Variants in ZNF366 observed in about 807,000 individuals in gnomAD.
ZNF366 encodes the protein zinc finger protein 366.
Under a neutral mutation model 47.2 loss-of-function variants are expected in ZNF366, and 20 were observed. That is an observed-to-expected ratio of 0.42 (90% CI 0.30 to 0.62). The LOEUF is 0.62. ZNF366 is among the 20% of genes least tolerant of loss of function. ZNF366 has a pLI of 0.16. For synonymous variants in ZNF366, 421 were observed against 395.1 expected (o/e 1.07, Z -0.78); for missense variants, 987 against 976.3 (o/e 1.01, Z -0.15).
In ZNF366 at chr5:72,444,098, G is replaced by A; in HGVS notation, c.1893C>T (p.Tyr631=). ...GGCTCTGGGGGGCCAGGCCAGGGCT[G>A]TAGGGCTCCACCTCGTAGCAGTTAT... The part of the protein sequence containing the change: ...EEDNCYEVEP[Y]SPGLAPQSQQ... Residue 631 remains tyrosine, a synonymous_variant, in exon 5 of 5, where the codon TAC becomes TAT. Transcript: ENST00000318442. The A allele has an allele frequency of 6.2e-7, 1 of 1,614,116 alleles. No individual in the cohort carries two copies. The highest frequency in any genetic ancestry group is 8.5e-7 in the Non-Finnish European group (1 of 1,180,030).
intron 1 of ZNF366, among the ~76,000 whole-genome samples, chr5:72,486,938 T>A (rs552104482): frequency 2.2e-4 from 33 of 152,140 alleles, no homozygotes; most frequent in African/African-American, 7.7e-4. Context: ...CCACCACGCC[T>A]GGCTGCTTTT....
In ZNF366 at chr5:72,447,257, C is replaced by T. The variant is rs754180088; in HGVS notation, c.1685G>A (p.Gly562Asp). The T allele has an allele frequency of 3.1e-6, 5 of 1,614,140 alleles. No homozygotes were observed. The highest frequency in any genetic ancestry group is 2.2e-5 in the East Asian group (1 of 44,892). The change falls in exon 4 of 5, where the codon GGC becomes GAC. Residue 562 changes from glycine to aspartate, a missense_variant. Physicochemically the swap from Gly to Asp is moderately conservative, Grantham distance 94. Coordinates refer to ENST00000318442, the MANE Select transcript of ZNF366 (RefSeq NM_152625.3). ...MKVKHGVMERGLHSQGLGRGR... is the reference protein window; with the variant it reads ...MKVKHGVMERDLHSQGLGRGR... ...AGAGTGATTACCTTGGGAATGAAGG[C>T]CCCGCTCCATGACTCCATGCTTGAC...
chr5:72,506,371 A>G (rs186446082), intron 1 of ZNF366, among the ~76,000 whole-genome samples: 2 of 152,266 alleles, frequency 1.3e-5, no homozygotes, highest in East Asian at 3.9e-4. Context: ...TTTATGACTA[A>G]TCTAATTGAA....
intron 1 of ZNF366, among the ~76,000 whole-genome samples, chr5:72,466,650 GAAGA>G (rs1743435128): frequency 6.6e-6 from 1 of 152,224 alleles, no homozygotes; most frequent in African/African-American, 2.4e-5. Flanking sequence ...TGGGATGAGA[GAAGA>G]AATGGGTGGT....
At chr5:72,461,559 TTC>T in intron 1 of ZNF366, 49 bp from the exon 2 acceptor site, 1 of 1,513,406 alleles carries the variant, frequency 6.6e-7, no homozygotes, top group Non-Finnish European at 8.8e-7. Context: ...TTGTTTAAAA[TTC>T]TCTTTTTCCT....
chr5:72,506,222 C>T (rs1389327201), intron 1 of ZNF366, among the ~76,000 whole-genome samples: 3 of 152,164 alleles, frequency 2.0e-5, no homozygotes, highest in Admixed American at 6.5e-5. Context: ...GGCTTTTACC[C>T]ATTCGGCATC....
rs561217888 is a variant in ZNF366 at position 72,477,224 on chromosome 5, G to A, written c.-14-15714C>T. Among the ~76,000 whole-genome samples, 11 of 152,286 alleles carry A rather than the reference G, an allele frequency of 7.2e-5. No individual in the cohort carries two copies. In the South Asian group the frequency reaches 2.3e-3, roughly 32 times the overall value. ...ATCTAGCTCATATTTTTAGAAATAA[G>A]CAGCTGGTACTCTTGACATTTAATT... On this transcript the variant is annotated intron_variant, in intron 1 of 4. Coordinates refer to ENST00000318442, the MANE Select transcript of ZNF366 (RefSeq NM_152625.3).
chr5:72,476,471 TG>T lies in ZNF366; in HGVS notation c.-14-14962del, dbSNP rs1411449471. 7.9e-5 allele frequency among the ~76,000 whole-genome samples: 12 copies of T among 152,182 alleles called. No homozygotes were observed. In the East Asian group the frequency reaches 2.3e-3, roughly 29 times the overall value. ...GGGAAGTGTGAATGGACATGGTGAG[TG>T]GGTGAGCATGGCAGCAGAGACATTC... is the stretch of plus-strand genomic sequence containing the variant. On this transcript the variant is annotated intron_variant, in intron 1 of 4. Coordinates refer to ENST00000318442, the MANE Select transcript of ZNF366 (RefSeq NM_152625.3).
chr5:72,487,478 CT>C (rs1161464167), intron 1 of ZNF366, among the ~76,000 whole-genome samples: 1 of 152,146 alleles, frequency 6.6e-6, no homozygotes, highest in African/African-American at 2.4e-5. Flanking sequence ...TTCCATATGC[CT>C]TTTAAGGCCA....
intron 1 of ZNF366, among the ~76,000 whole-genome samples, chr5:72,465,861 G>C (rs1361814166): frequency 6.6e-6 from 1 of 152,246 alleles, no homozygotes; most frequent in African/African-American, 2.4e-5. Flanking sequence ...GCAGCTGTGG[G>C]AGAGTGAGTA....
intron 1 of ZNF366, among the ~76,000 whole-genome samples, chr5:72,500,356 T>C (rs61088265): frequency 0.028 from 4,226 of 152,254 alleles, 179 homozygotes; most frequent in African/African-American, 0.097. Flanking sequence ...CCCTGGGGGC[T>C]TCCTTACCCT....
chr5:72,464,361 A>G (rs1743389935), intron 1 of ZNF366, among the ~76,000 whole-genome samples: 1 of 152,238 alleles, frequency 6.6e-6, no homozygotes, highest in African/African-American at 2.4e-5. Flanking sequence ...ATTTCAGTCT[A>G]TGCACGTTAT....
At chr5:72,477,132 T>C (rs961999705) in intron 1 of ZNF366, among the ~76,000 whole-genome samples, 2 of 152,214 alleles carry the variant, frequency 1.3e-5, no homozygotes, top group African/African-American at 4.8e-5. Flanking sequence ...AAAAAATTTC[T>C]AACAACAAAC....
intron 1 of ZNF366, among the ~76,000 whole-genome samples, chr5:72,483,926 T>C (rs1369057161): frequency 6.7e-6 from 1 of 148,786 alleles, no homozygotes; most frequent in Non-Finnish European, 1.5e-5. Flanking sequence ...AAGATCTACT[T>C]AAAAAAAAAA....
At chr5:72,445,339 G>GT (rs1228438041) in intron 4 of ZNF366, among the ~76,000 whole-genome samples, 4 of 147,156 alleles carry the variant, frequency 2.7e-5, no homozygotes, top group Non-Finnish European at 6.0e-5. Context: ...GGGTCCTGGG[G>GT]TGCAGCCAGA....
chr5:72,479,958 CAG>C (rs1325562159), intron 1 of ZNF366, among the ~76,000 whole-genome samples: 1 of 152,100 alleles, frequency 6.6e-6, no homozygotes, highest in African/African-American at 2.4e-5. Context: ...GGTGAAAAAA[CAG>C]ATATATTTAA....
At chr5:72,472,448 A>G (rs1743586419) in intron 1 of ZNF366, 2 of 508,334 alleles carry the variant, frequency 3.9e-6, no homozygotes, top group Admixed American at 1.3e-4. Context: ...TGAGAGAAAA[A>G]GTTTCCCCTT....
chr5:72,460,032 C>T, intron 2 of ZNF366, 133 bp downstream of exon 2: 1 of 1,249,612 alleles, frequency 8.0e-7, no homozygotes, highest in Non-Finnish European at 1.1e-6. Flanking sequence ...GCCAAGGGAC[C>T]GCTTGTCCGG....
Position 72,486,603 on chromosome 5 carries a change from A to G in ZNF366, c.-15+20648T>C, listed in dbSNP as rs560016587. ...CAAAACAGTAGCCAACACATAGTGC[A>G]TCCCATGTGTACAGGAAAGGACAGG... On this transcript the variant is annotated intron_variant, in intron 1 of 4. Transcript: ENST00000318442. Among the ~76,000 whole-genome samples, 6 of 152,284 alleles carry G rather than the reference A, an allele frequency of 3.9e-5. No homozygotes were observed. In the South Asian group the frequency reaches 1.2e-3, roughly 32 times the overall value.
Sources: gnomAD v4.1 joint callset for allele counts (sites outside exome capture counted in the v4.1 genomes callset) on GRCh38, gnomAD v4.1.1 for gene constraint, MANE v1.5 for transcripts, NCBI Gene and HGNC (gene_info 2026-07-23, HGNC 2026-07-21) for gene names.